IPO7: variants seen among roughly 807,000 people sequenced by gnomAD.
IPO7 encodes importin-7.
In IPO7, 13 loss-of-function variants were observed where a neutral mutation model predicts 136.4. The observed-to-expected ratio is 0.10, with a 90% confidence interval of 0.06 to 0.15. The LOEUF is 0.15. IPO7 is among the 10% of genes least tolerant of loss of function. The pLI is 1.00. For synonymous variants in IPO7, 403 were observed against 404.4 expected (o/e 1.00, Z 0.04); for missense variants, 857 against 1,240.6 (o/e 0.69, Z 4.65).
chr11:9,390,766 A>ATAGCGAGACCCAGTCAC (rs146167125), intron 1 of IPO7, among the ~76,000 whole-genome samples: 1 of 152,012 alleles, frequency 6.6e-6, no homozygotes, highest in Non-Finnish European at 1.5e-5. Flanking sequence ...CCTGGGCAAC[A>ATAGCGAGACCCAGTCAC]TACAAAAAAA....
In IPO7 at chr11:9,393,519, A is replaced by G. The variant is rs562585836; in HGVS notation, c.84+8672A>G. ...CTCAGCCTCCCTAGTAGCTGGGATA[A>G]CAAGGCAACCACCACCACGTCCGGC... On this transcript the variant is annotated intron_variant, in intron 1 of 24. Transcript: ENST00000379719. Among the ~76,000 whole-genome samples, 38 of 152,252 alleles carry G rather than the reference A, an allele frequency of 2.5e-4. 1 individual carries two copies. The highest frequency in any genetic ancestry group is 1.0e-3 in the South Asian group (5 of 4,816).
At chr11:9,440,342 C>G (rs1855444843) in intron 22 of IPO7, 113 bp from the exon 23 acceptor site, 1 of 834,444 alleles carries the variant, frequency 1.2e-6, no homozygotes, top group Non-Finnish European at 1.9e-6. Flanking sequence ...TCCTGGAGCT[C>G]TCTCTTGTCA....
chr11:9,437,456 G>T (rs991541506), intron 20 of IPO7, among the ~76,000 whole-genome samples: 11 of 151,580 alleles, frequency 7.3e-5, no homozygotes, highest in African/African-American at 2.7e-4. Flanking sequence ...GGGTTTCACT[G>T]TGTTAGCCAG....
intron 8 of IPO7, among the ~76,000 whole-genome samples, chr11:9,422,107 C>T (rs1855141111): frequency 6.6e-6 from 1 of 152,038 alleles, no homozygotes; most frequent in Non-Finnish European, 1.5e-5. Context: ...TGGAGAAATC[C>T]TGTCTGTACT....
intron 12 of IPO7, among the ~76,000 whole-genome samples, chr11:9,427,116 C>A (rs890029952): frequency 6.6e-6 from 1 of 152,120 alleles, no homozygotes; most frequent in South Asian, 2.1e-4. Flanking sequence ...TCCCAAAGTG[C>A]CAGGATTACA....
chr11:9,413,169 C>CGCCCG (rs925883246), intron 4 of IPO7, among the ~76,000 whole-genome samples: 3 of 152,042 alleles, frequency 2.0e-5, no homozygotes, highest in African/African-American at 7.2e-5. Flanking sequence ...TGAGCCACCG[C>CGCCCG]GCCCGGCCCC....
chr11:9,403,170 C>T, intron 1 of IPO7, 120 bp from the exon 2 acceptor site: 1 of 695,846 alleles, frequency 1.4e-6, no homozygotes, highest in Admixed American at 2.6e-5. Flanking sequence ...AAGACTGGAA[C>T]CAGTTATGAA....
rs140762808 is a variant in IPO7, at chr11:9,440,552, T to C, written c.2793T>C (p.Asp931=). 128 of 1,613,908 alleles carry C rather than the reference T, an allele frequency of 7.9e-5. No homozygotes were observed. The African/African-American group carries it at 1.5e-3, about 19-fold the overall frequency. The change falls in exon 23 of 25, where the codon GAT becomes GAC. Residue 931 remains aspartate (D), a synonymous_variant. Coordinates refer to ENST00000379719, the MANE Select transcript of IPO7 (RefSeq NM_006391.3). Reference sequence around the variant, plus strand: ...CTGGTGAAGATGGAGATGATGAAGATTGGGAAGAAGATGATGCTGAAGAGA... The same window carrying C: ...CTGGTGAAGATGGAGATGATGAAGACTGGGAAGAAGATGATGCTGAAGAGA... The part of the protein sequence containing the change: ...KQAGEDGDDE[D]WEEDDAEETA...
rs373958846 is a variant in IPO7, at chr11:9,419,639, G to T, written c.727-772G>T. Among the ~76,000 whole-genome samples, 21 of 146,966 alleles carry T rather than the reference G, an allele frequency of 1.4e-4. No homozygotes were observed. In the East Asian group the frequency reaches 3.7e-3, roughly 26 times the overall value. Reference sequence around the variant, plus strand: ...TATAATGATCCAATTCCTTCTTTCAGTGATTGTATAGGAGTCTTTTATGGA... The same window carrying T: ...TATAATGATCCAATTCCTTCTTTCATTGATTGTATAGGAGTCTTTTATGGA... On this transcript the variant is annotated intron_variant, in intron 6 of 24. Transcript: ENST00000379719.
intron 16 of IPO7, chr11:9,433,055 G>A (rs58580896): frequency 0.021 from 2,953 of 141,880 alleles, 96 homozygotes; most frequent in African/African-American, 0.069. Flanking sequence ...ATGGCGCTCG[G>A]CTCACTGCAA....
rs1387544715 is a variant in IPO7 at position 9,446,397 on chromosome 11, G to A, written c.*1203G>A. ...CTCTTCTACCGCTCTTGTTGATCGT[G>A]GTATCTGATCTTGACTAGATAGGCT... On this transcript the variant is annotated 3_prime_UTR_variant, in exon 25 of 25. Coordinates refer to ENST00000379719, the MANE Select transcript of IPO7 (RefSeq NM_006391.3). 2 of 152,060 alleles carry A rather than the reference G, an allele frequency of 1.3e-5. No homozygotes were observed. The highest frequency in any genetic ancestry group is 2.9e-5 in the Non-Finnish European group (2 of 68,024). 9.4% of individuals were successfully genotyped at this position (152,060 alleles called of 1,614,324 possible). A position where few individuals can be genotyped will look rare whatever the true frequency, so the allele number is the denominator to read the frequency against.
At chr11:9,395,394 C>G (rs1481910101) in intron 1 of IPO7, among the ~76,000 whole-genome samples, 1 of 152,072 alleles carries the variant, frequency 6.6e-6, no homozygotes, top group Non-Finnish European at 1.5e-5. Flanking sequence ...CAGGCGCCCC[C>G]CACTGTGCCC....
In IPO7 at chr11:9,423,790, A is replaced by G. The variant is rs754574634; in HGVS notation, c.1055A>G (p.Asp352Gly). Residue 352 changes from aspartate (D) to glycine (G), a missense_variant, in exon 10 of 25, where the codon GAT becomes GGT. Around this residue, in one of 11 missense-constraint regions of IPO7, gnomAD observed 127 missense variants for 222.4 expected, o/e 0.57. Coordinates refer to ENST00000379719, the MANE Select transcript of IPO7 (RefSeq NM_006391.3). ...TTTAAATTGCAGGGCATTATCCAAG[A>G]TGTTATTTTTCCATTGATGTGCTAT... ...LKPHIQGIIQ[D>G]VIFPLMCYTD... 3.8e-6 allele frequency: 6 copies of G among 1,592,074 alleles called. No individual in the cohort carries two copies. The highest frequency in any genetic ancestry group is 1.3e-5 in the African/African-American group (1 of 74,078).
intron 10 of IPO7, 130 bp from the exon 11 acceptor site, chr11:9,424,784 A>G (rs1855180958): frequency 1.6e-6 from 1 of 630,972 alleles, no homozygotes; most frequent in Admixed American, 3.2e-5. Context: ...AAGACATTGA[A>G]TTCTGCTTTT....
At position 9,417,101 on chromosome 11, in the gene IPO7, G is replaced by A; in HGVS notation, c.679G>A (p.Glu227Lys). Residue 227 changes from glutamate to lysine, a missense_variant, in exon 6 of 25, where the codon GAA becomes AAA. Coordinates refer to ENST00000379719, the MANE Select transcript of IPO7 (RefSeq NM_006391.3). ...ACTGATAAACCAACAGAACCTGACA[G>A]AATGGATAGAAATTTTAAAGACTGT... ...LELINQQNLTEWIEILKTVVN... is the reference protein window; with the variant it reads ...LELINQQNLTKWIEILKTVVN... 1 of 1,569,966 alleles carries A rather than the reference G, an allele frequency of 6.4e-7. No homozygotes were observed. Among genetic ancestry groups the A allele is most frequent in the Non-Finnish European group, 8.8e-7 (1 of 1,141,354 alleles).
At position 9,397,341 on chromosome 11, in the gene IPO7, A is replaced by AAAAAAAAAAAAATATAT; in HGVS notation, c.85-5948_85-5947insAAAAAAAAAAATATATA. On this transcript the variant is annotated intron_variant, in intron 1 of 24. Coordinates refer to ENST00000379719, the MANE Select transcript of IPO7 (RefSeq NM_006391.3). ...CTTTACTAAAAATAATTTAAAAAAA[A>AAAAAAAAAAAAATATAT]ATATATATATATATATATATATATT... Among the ~76,000 whole-genome samples the AAAAAAAAAAAAATATAT allele has an allele frequency of 1.1e-3, 12 of 10,760 alleles. 1 individual carries two copies. Among genetic ancestry groups the AAAAAAAAAAAAATATAT allele is most frequent in the Non-Finnish European group, 1.5e-3 (8 of 5,460 alleles). The allele number at this position is 10,760 out of a possible 152,430, so 7.1% of individuals were successfully genotyped here. A position where few individuals can be genotyped will look rare whatever the true frequency, so the allele number is the denominator to read the frequency against.
At chr11:9,390,295 GTT>G (rs1235921901) in intron 1 of IPO7, among the ~76,000 whole-genome samples, 7 of 142,644 alleles carry the variant, frequency 4.9e-5, no homozygotes, top group Non-Finnish European at 6.2e-5. Context: ...GTGTGTGTGT[GTT>G]TTTTTTTTTT....
intron 12 of IPO7, 136 bp from the exon 13 acceptor site, chr11:9,428,404 G>A: frequency 2.2e-6 from 1 of 459,682 alleles, no homozygotes; most frequent in Non-Finnish European, 4.0e-6. Flanking sequence ...AAAATTGGTT[G>A]TGGATTCTGG....
At chr11:9,384,940 G>T (rs1020137723) in intron 1 of IPO7, 93 bp downstream of exon 1, 67 of 905,402 alleles carry the variant, frequency 7.4e-5, no homozygotes, top group Non-Finnish European at 1.1e-4. Flanking sequence ...CGCGGACGAC[G>T]TCGTTGAGGG....
Sources: gnomAD v4.1 joint callset for allele counts (sites outside exome capture counted in the v4.1 genomes callset) on GRCh38, gnomAD v4.1.1 for gene constraint, gnomAD v4.1.1 regional missense constraint, MANE v1.5 for transcripts, NCBI Gene and HGNC (gene_info 2026-07-23, HGNC 2026-07-21) for gene names.